The following DIDO1 variants were observed in gnomAD, a reference collection of about 807,000 sequenced individuals.
The protein encoded by DIDO1 is death inducer-obliterator 1.
Under a neutral mutation model 99.4 loss-of-function variants are expected in DIDO1, and 16 were observed. The observed-to-expected ratio is 0.16, with a 90% CI of 0.11 to 0.24. The LOEUF is 0.24. Among genes scored for constraint, DIDO1 ranks in the 10% least tolerant of loss-of-function variants. The pLI is 1.00. For missense variants in DIDO1, 2,996 were observed against 3,014.0 expected (o/e 0.99, Z 0.14); for synonymous variants, 1,366 against 1,239.1 (o/e 1.10, Z -2.15).
intron 15 of DIDO1, chr20:62,889,235 T>G (rs1477333975): frequency 1.0e-6 from 1 of 985,396 alleles, no homozygotes; most frequent in East Asian, 1.1e-4. Flanking sequence ...GCCCCGGGGC[T>G]GCACCTGCAC....
chr20:62,928,433 A>C (rs917197645), upstream of DIDO1, among the ~76,000 whole-genome samples: 1 of 152,166 alleles, frequency 6.6e-6, no homozygotes, highest in African/African-American at 2.4e-5. Flanking sequence ...CCCCAGCAGA[A>C]GCTGGCTCGG....
intron 2 of DIDO1, among the ~76,000 whole-genome samples, chr20:62,912,280 T>C (rs1197279699): frequency 6.6e-6 from 1 of 152,208 alleles, no homozygotes; most frequent in Non-Finnish European, 1.5e-5. Context: ...GGGCACAATG[T>C]GAGAGAACTG....
rs549462371 is a variant in DIDO1, at chr20:62,890,786, G to A, written c.3541+174C>T. The A allele has an allele frequency of 8.3e-6, 12 of 1,452,428 alleles. No individual in the cohort carries two copies. In the East Asian group the frequency reaches 2.7e-4, roughly 33 times the overall value. 90.0% of individuals were successfully genotyped at this position (1,452,428 alleles called of 1,614,324 possible). On this transcript the variant is annotated intron_variant, in intron 15 of 15. Transcript: ENST00000395343. ...ATGCTGTGAATCAGGGGTACTTCTC[G>A]TGCCACAGTCCTACGCCCTCAAAGA...
At chr20:62,930,032 G>C (rs1347719274), upstream of DIDO1, among the ~76,000 whole-genome samples, 5 of 151,864 alleles carry the variant, frequency 3.3e-5, no homozygotes, top group South Asian at 2.1e-4. Context: ...CTGAGGTTAG[G>C]AGTTCAAGAC....
In DIDO1 at chr20:62,879,673, G is replaced by T. The variant is rs2064162779; in HGVS notation, c.6283C>A (p.Pro2095Thr). The T allele has an allele frequency of 6.2e-7, 1 of 1,609,450 alleles. No homozygotes were observed. Among genetic ancestry groups the T allele is most frequent in the African/African-American group, 1.3e-5 (1 of 75,032 alleles). ...GRQRERFDVG[P>T]KEKPLEEPDA... ...GGCTCCTCCAGCGGCTTCTCTTTGG[G>T]CCCCACGTCAAACCGCTCTCTCTGC... Residue 2095 changes from proline to threonine, a missense_variant, in exon 16 of 16, where the codon CCC becomes ACC. Pro to Thr is a conservative substitution (Grantham distance 38). Transcript: ENST00000395343. This position sits in a 1 kb window ranked among gnomAD's most constrained non-coding sequence, Gnocchi z 6.3.
Position 62,879,303 on chromosome 20 carries a change from T to C in DIDO1, c.6653A>G (p.Lys2218Arg), listed in dbSNP as rs766318108. Reference protein sequence around the residue: ...GRDRKDRSKSKESARDPKPEA... With the variant: ...GRDRKDRSKSRESARDPKPEA... ...GGGCTTCGGGTCCCGAGCGCTCTCTTTGCTCTTGCTCCGGTCCTTGCGGTC... is the reference window on the plus strand; with the variant it reads ...GGGCTTCGGGTCCCGAGCGCTCTCTCTGCTCTTGCTCCGGTCCTTGCGGTC... The change falls in exon 16 of 16, where the codon AAA (lysine) becomes AGA (arginine). Residue 2218 changes from lysine (K) to arginine (R), a missense_variant. Lys to Arg is a conservative substitution (Grantham distance 26). Coordinates refer to ENST00000395343, the MANE Select transcript of DIDO1 (RefSeq NM_001193369.2). This position sits in a 1 kb window ranked among gnomAD's most constrained non-coding sequence, Gnocchi z 6.3. 1.3e-6 allele frequency: 2 copies of C among 1,578,936 alleles called. No individual in the cohort carries two copies. The highest frequency in any genetic ancestry group is 1.7e-6 in the Non-Finnish European group (2 of 1,164,832).
chr20:62,891,473 G>A (rs7265084), intron 14 of DIDO1, among the ~76,000 whole-genome samples: 59,666 of 151,852 alleles, frequency 0.39, 12,576 homozygotes, highest in African/African-American at 0.56. Context: ...TGAACCTGAC[G>A]AAGACTACAG....
At chr20:62,919,937 T>A (rs1169443750) in intron 1 of DIDO1, among the ~76,000 whole-genome samples, 1 of 152,240 alleles carries the variant, frequency 6.6e-6, no homozygotes, top group Non-Finnish European at 1.5e-5. Context: ...AAGTGAGGTT[T>A]ATTGTTCTCT....
At position 62,910,791 on chromosome 20, in the gene DIDO1, G is replaced by A; in HGVS notation, c.822C>T (p.Arg274=). Residue 274 remains arginine, a synonymous_variant, in exon 3 of 16, where the codon CGC becomes CGT. Coordinates refer to ENST00000395343, the MANE Select transcript of DIDO1 (RefSeq NM_001193369.2). The part of the protein sequence containing the change: ...YDPNALYCIC[R]QPHNNRFMIC... ...TGACCCACCTGTTGTTGTGAGGCTG[G>A]CGGCAAATGCAATACAGGGCGTTGG... is the stretch of plus-strand genomic sequence containing the variant. 6.2e-7 allele frequency: 1 copy of A among 1,611,140 alleles called. No individual in the cohort carries two copies. The highest frequency in any genetic ancestry group is 1.1e-5 in the South Asian group (1 of 91,048).
intron 1 of DIDO1, among the ~76,000 whole-genome samples, chr20:62,937,505 G>A (rs1004265548): frequency 1.3e-5 from 2 of 152,262 alleles, no homozygotes; most frequent in Non-Finnish European, 2.9e-5. Flanking sequence ...CATGGGAGGC[G>A]CCCTGAGGGC....
At position 62,882,312 on chromosome 20, in the gene DIDO1, C is replaced by T. The variant is rs1228227850; in HGVS notation, c.3644G>A (p.Arg1215Gln). Residue 1215 changes from arginine (R) to glutamine (Q), a missense_variant, in exon 16 of 16, where the codon CGG becomes CAG. This residue lies in a region of DIDO1 where 1,562 missense variants were observed against 1,412.6 expected (regional missense o/e 1.11). Coordinates refer to ENST00000395343, the MANE Select transcript of DIDO1 (RefSeq NM_001193369.2). ...CGCTTCTTCCGGTTGAAGTCGGGTC[C>T]GCTTTTCGTCCATCTTGTCTAACTC... The part of the protein sequence containing the change: ...SGELDKMDEK[R>Q]TRLQPEEADV... 4.3e-6 allele frequency: 7 copies of T among 1,613,916 alleles called. No individual in the cohort carries two copies. Among genetic ancestry groups the T allele is most frequent in the Non-Finnish European group, 5.1e-6 (6 of 1,180,030 alleles).
At chr20:62,891,695 T>A (rs1174440278) in intron 14 of DIDO1, among the ~76,000 whole-genome samples, 3 of 151,778 alleles carry the variant, frequency 2.0e-5, no homozygotes, top group Non-Finnish European at 2.9e-5. Flanking sequence ...TACATTATAA[T>A]AAATCAGAAA....
At chr20:62,922,219 T>TAC (rs1238889125) in intron 1 of DIDO1, among the ~76,000 whole-genome samples, 18 of 90,290 alleles carry the variant, frequency 2.0e-4, no homozygotes, top group South Asian at 3.7e-4. Context: ...TACATATATA[T>TAC]ACACACACAC....
At chr20:62,907,038 G>GC (rs11479019) in intron 5 of DIDO1, 109 bp downstream of exon 5, 4 of 1,112,802 alleles carry the variant, frequency 3.6e-6, no homozygotes, top group Admixed American at 1.8e-5. Flanking sequence ...CCACGTGTGC[G>GC]CCCCCCTACA....
chr20:62,933,935 GA>G (rs2065355846), intron 1 of DIDO1, among the ~76,000 whole-genome samples: 1 of 152,114 alleles, frequency 6.6e-6, no homozygotes, highest in Admixed American at 6.5e-5. Context: ...CTTTCAATAT[GA>G]AACAACTCAA....
chr20:62,890,607 C>CTA, intron 15 of DIDO1: 1 of 1,141,548 alleles, frequency 8.8e-7, no homozygotes, highest in Non-Finnish European at 1.1e-6. Flanking sequence ...CCGAGTCTGT[C>CTA]TAGAGGAAAG....
At chr20:62,901,671 T>G (rs766095652) in intron 6 of DIDO1, among the ~76,000 whole-genome samples, 7 of 152,170 alleles carry the variant, frequency 4.6e-5, no homozygotes, top group Non-Finnish European at 1.0e-4. Context: ...AAGCTCTTCT[T>G]GCCGAACTCT....
chr20:62,879,634 G>A lies in DIDO1; in HGVS notation c.6322C>T (p.Arg2108Trp), dbSNP rs765291799. The A allele has an allele frequency of 2.5e-6, 4 of 1,606,258 alleles. No homozygotes were observed. The highest frequency in any genetic ancestry group is 1.7e-5 in the Admixed American group (1 of 60,026). Residue 2108 changes from arginine to tryptophan, a missense_variant, in exon 16 of 16, where the codon CGG becomes TGG. This residue lies in a region of DIDO1 where 1,562 missense variants were observed against 1,412.6 expected (regional missense o/e 1.11). Coordinates refer to ENST00000395343, the MANE Select transcript of DIDO1 (RefSeq NM_001193369.2). This position sits in a 1 kb window ranked among gnomAD's most constrained non-coding sequence, Gnocchi z 6.3. The stretch of plus-strand genomic sequence containing the variant: ...TCTCTCCTCCTGTCCTCGGACGCCC[G>A]GCCCTGGGCGTCGGGCTCCTCCAGC... Reference protein sequence around the residue: ...KPLEEPDAQGRASEDRRRERE... With the variant: ...KPLEEPDAQGWASEDRRRERE...
rs1023212924 is a variant in DIDO1 at position 62,905,146 on chromosome 20, G to A, written c.1588+741C>T. On this transcript the variant is annotated intron_variant, in intron 6 of 15. Transcript: ENST00000395343. ...AATTTGGGGCAGGATATGATCTTAA[G>A]AGTCTAAACATTCAAGAGACGAGGG... 35 of 1,025,176 alleles carry A rather than the reference G, an allele frequency of 3.4e-5. No homozygotes were observed. The African/African-American group carries it at 5.4e-4, about 16-fold the overall frequency. The allele number at this position is 1,025,176 out of a possible 1,614,324, so 63.5% of individuals were successfully genotyped here.
Sources: gnomAD v4.1 joint callset for allele counts (sites outside exome capture counted in the v4.1 genomes callset) on GRCh38, gnomAD v4.1.1 for gene constraint, gnomAD v4.1.1 regional missense constraint, Gnocchi (gnomAD v3.1) non-coding constraint, MANE v1.5 for transcripts, NCBI Gene and HGNC (gene_info 2026-07-23, HGNC 2026-07-21) for gene names.